Variants in ARHGAP31 observed in about 807,000 individuals in gnomAD.
The protein encoded by ARHGAP31 is Rho GTPase activating protein 31, also known as rho GTPase-activating protein 31.
A neutral mutation model predicts 113.9 loss-of-function variants in ARHGAP31; 34 were observed. The ratio of observed to expected loss-of-function variants is 0.30; its 90% CI spans 0.23 to 0.40. The LOEUF (loss-of-function observed/expected upper bound fraction) is 0.40, where lower values mean the gene tolerates loss of function less well. ARHGAP31 is among the 10% of genes least tolerant of loss of function. The pLI, the probability that ARHGAP31 is intolerant of heterozygous loss-of-function variation, is 1.00. For missense variants in ARHGAP31, 1,548 were observed against 1,767.1 expected (o/e 0.88, Z 2.22); for synonymous variants, 650 against 684.8 (o/e 0.95, Z 0.79).
Position 119,420,129 on chromosome 3 carries a change from A to T in ARHGAP31, c.*3865A>T, listed in dbSNP as rs2080809108. ...TACACAGGCCTTCCATTCCTGCATG[A>T]AGAGATACTGGGGAGCATACAATTA... On this transcript the variant is annotated 3_prime_UTR_variant, in exon 12 of 12. Coordinates refer to ENST00000264245, the MANE Select transcript of ARHGAP31 (RefSeq NM_020754.4). 6.6e-6 allele frequency: 1 copy of T among 152,228 alleles called. No individual in the cohort carries two copies. The highest frequency in any genetic ancestry group is 1.5e-5 in the Non-Finnish European group (1 of 68,040). 9.4% of individuals were successfully genotyped at this position (152,228 alleles called of 1,614,324 possible).
chr3:119,390,740 T>C, intron 6 of ARHGAP31, 45 bp from the exon 7 acceptor site: 2 of 1,584,392 alleles, frequency 1.3e-6, no homozygotes, highest in Non-Finnish European at 1.7e-6. Flanking sequence ...ATGGATGTGA[T>C]GGGCAGGCCT....
At chr3:119,371,612 A>T (rs1486129285) in intron 3 of ARHGAP31, among the ~76,000 whole-genome samples, 1 of 152,226 alleles carries the variant, frequency 6.6e-6, no homozygotes, top group Non-Finnish European at 1.5e-5. Context: ...CCTATAGTTT[A>T]CTCAAACCTA....
intron 3 of ARHGAP31, among the ~76,000 whole-genome samples, chr3:119,370,118 T>C (rs576105555): frequency 3.3e-5 from 5 of 152,304 alleles, no homozygotes; most frequent in Admixed American, 2.6e-4. Context: ...AAGCCTCCTA[T>C]CTGCATGGGT....
chr3:119,391,053 A>G (rs1397554637), intron 7 of ARHGAP31, 70 bp downstream of exon 7: 3 of 1,544,996 alleles, frequency 1.9e-6, no homozygotes, highest in South Asian at 1.1e-5. Context: ...AGAGGTATAC[A>G]GTCTCAGGAC....
Position 119,402,279 on chromosome 3 carries a change from C to T in ARHGAP31, c.1527C>T (p.Cys509=), listed in dbSNP as rs1401621990. The T allele has an allele frequency of 3.1e-6, 5 of 1,614,140 alleles. No individual in the cohort carries two copies. In the South Asian group the frequency reaches 5.5e-5, roughly 18 times the overall value. The change falls in exon 10 of 12, where the codon TGC becomes TGT. Residue 509 remains cysteine, a synonymous_variant. Transcript: ENST00000264245. ...TCATCAGCACCAACAGCACGCCGTGCAGAACACCCCCGAAGGAGCTGCAGT... is the reference window on the plus strand; with the variant it reads ...TCATCAGCACCAACAGCACGCCGTGTAGAACACCCCCGAAGGAGCTGCAGT... The part of the protein sequence containing the change: ...SAVISTNSTP[C]RTPPKELQSL...
At chr3:119,401,204 G>A (rs2080603264) in intron 9 of ARHGAP31, among the ~76,000 whole-genome samples, 1 of 150,894 alleles carries the variant, frequency 6.6e-6, no homozygotes, top group South Asian at 2.1e-4. Flanking sequence ...CCTCACAACT[G>A]TGCTTTCTAA....
At chr3:119,336,275 C>T (rs1271283481) in intron 1 of ARHGAP31, among the ~76,000 whole-genome samples, 2 of 152,166 alleles carry the variant, frequency 1.3e-5, no homozygotes, top group East Asian at 1.9e-4. Flanking sequence ...CTCTTGACTT[C>T]CTAAAATGGG....
intron 1 of ARHGAP31, among the ~76,000 whole-genome samples, chr3:119,309,268 G>T (rs530218514): frequency 4.3e-4 from 65 of 152,308 alleles, no homozygotes; most frequent in African/African-American, 1.6e-3. Context: ...TTCTACTAAT[G>T]AGTCTCTACT....
chr3:119,391,137 G>A (rs1232761488), intron 7 of ARHGAP31, among the ~76,000 whole-genome samples, 154 bp downstream of exon 7: 1 of 152,174 alleles, frequency 6.6e-6, no homozygotes, highest in Non-Finnish European at 1.5e-5. Context: ...GAAGGGAGCT[G>A]TCTCTACAAC....
At chr3:119,324,702 GA>G (rs1401954828) in intron 1 of ARHGAP31, among the ~76,000 whole-genome samples, 2 of 152,220 alleles carry the variant, frequency 1.3e-5, no homozygotes, top group Non-Finnish European at 2.9e-5. Context: ...GATAGACGTG[GA>G]AAAACAAAGA....
intron 1 of ARHGAP31, among the ~76,000 whole-genome samples, chr3:119,295,647 TG>T (rs1163073340): frequency 6.6e-6 from 1 of 151,750 alleles, no homozygotes; most frequent in Non-Finnish European, 1.5e-5. Flanking sequence ...TAACATTTGG[TG>T]TGTCAGACAA....
intron 1 of ARHGAP31, among the ~76,000 whole-genome samples, chr3:119,305,952 G>T (rs552744520): frequency 6.6e-6 from 1 of 152,200 alleles, no homozygotes; most frequent in African/African-American, 2.4e-5. Context: ...CTTCCAAATG[G>T]GGCATGGTTT....
At chr3:119,408,942 A>G (rs1017534613) in intron 10 of ARHGAP31, among the ~76,000 whole-genome samples, 1 of 152,126 alleles carries the variant, frequency 6.6e-6, no homozygotes, top group Admixed American at 6.5e-5. Flanking sequence ...AAGAAGCAAG[A>G]TGTGAATAAT....
chr3:119,410,088 A>C (rs1273755835), intron 11 of ARHGAP31, among the ~76,000 whole-genome samples: 1 of 152,170 alleles, frequency 6.6e-6, no homozygotes, highest in Non-Finnish European at 1.5e-5. Flanking sequence ...TCAATCCCAG[A>C]AGCAGCACAA....
intron 1 of ARHGAP31, chr3:119,298,902 C>A: frequency 4.2e-6 from 1 of 237,226 alleles, no homozygotes; most frequent in South Asian, 6.5e-5. Flanking sequence ...TTGTGCCATT[C>A]ACAGCAAGGT....
chr3:119,383,728 G>C (rs1212979050), intron 6 of ARHGAP31, among the ~76,000 whole-genome samples: 1 of 152,286 alleles, frequency 6.6e-6, no homozygotes, highest in East Asian at 1.9e-4. Flanking sequence ...AATTTCTTGA[G>C]TGCTTTGTTC....
At chr3:119,352,130 T>G (rs1434596487) in intron 1 of ARHGAP31, among the ~76,000 whole-genome samples, 1 of 152,190 alleles carries the variant, frequency 6.6e-6, no homozygotes, top group Admixed American at 6.5e-5. Flanking sequence ...CACAGCAGCT[T>G]CATCAATGGG....
At chr3:119,303,011 T>A (rs1260148937) in intron 1 of ARHGAP31, among the ~76,000 whole-genome samples, 3 of 152,150 alleles carry the variant, frequency 2.0e-5, no homozygotes, top group African/African-American at 7.2e-5. Flanking sequence ...TGCAGCCACA[T>A]CTTCTTCACC....
At chr3:119,356,181 G>T (rs1451293605) in intron 1 of ARHGAP31, among the ~76,000 whole-genome samples, 2 of 152,212 alleles carry the variant, frequency 1.3e-5, no homozygotes, top group Non-Finnish European at 2.9e-5. Context: ...ACAGTGAGAA[G>T]TCTCTCTCTT....
Sources: allele counts gnomAD v4.1 joint callset (sites outside exome capture counted in the v4.1 genomes callset), GRCh38; gene constraint gnomAD v4.1.1; transcripts MANE v1.5; gene names NCBI Gene and HGNC (gene_info 2026-07-23, HGNC 2026-07-21).